Variants in ZNF445 observed in about 807,000 individuals in gnomAD.
The protein encoded by ZNF445 is zinc finger protein 445, also known as zinc finger protein 168.
A neutral mutation model predicts 93.9 loss-of-function variants in ZNF445; 19 were observed. The ratio of observed to expected loss-of-function variants is 0.20; its 90% CI spans 0.14 to 0.30. ZNF445 has a LOEUF of 0.30. Among genes scored for constraint, ZNF445 ranks in the 10% least tolerant of loss-of-function variants. The pLI is 1.00. For synonymous variants in ZNF445, 449 were observed against 446.3 expected (o/e 1.01, Z -0.08); for missense variants, 1,058 against 1,259.4 (o/e 0.84, Z 2.42).
Position 44,434,886 on chromosome 3 carries a change from T to C in ZNF445, c.*11689A>G, listed in dbSNP as rs187805261. On this transcript the variant is annotated 3_prime_UTR_variant, in exon 8 of 8. Transcript: ENST00000396077. ...GCCACGATAGCTGAAGGCTATGCTA[T>C]TGAACACTGTAACTCAACTTTTACG... 6.6e-5 allele frequency: 10 copies of C among 152,320 alleles called. No homozygotes were observed. Among genetic ancestry groups the C allele is most frequent in the East Asian group, 3.9e-4 (2 of 5,176 alleles). 9.4% of individuals were successfully genotyped at this position (152,320 alleles called of 1,614,324 possible). A position where few individuals can be genotyped will look rare whatever the true frequency, so the allele number is the denominator to read the frequency against.
Position 44,455,367 on chromosome 3 carries a change from A to T in ZNF445, c.183T>A (p.Leu61=). The T allele has an allele frequency of 1.2e-6, 2 of 1,614,078 alleles. No homozygotes were observed. The highest frequency in any genetic ancestry group is 1.7e-6 in the Non-Finnish European group (2 of 1,179,986). ...QELFRQLFRQ[L]RYHESSGPLE... Reference sequence around the variant, plus strand: ...GGGGCCCTGAAGACTCATGGTAGCGAAGCTGTCTGAAGAGCTGGCGGAACA... The same window carrying T: ...GGGGCCCTGAAGACTCATGGTAGCGTAGCTGTCTGAAGAGCTGGCGGAACA... Residue 61 remains leucine (L), a synonymous_variant, in exon 3 of 8, where the codon CTT becomes CTA. Transcript: ENST00000396077.
In ZNF445 at chr3:44,437,939, C is replaced by G. The variant is rs1253085745; in HGVS notation, c.*8636G>C. On this transcript the variant is annotated 3_prime_UTR_variant, in exon 8 of 8. Coordinates refer to ENST00000396077, the MANE Select transcript of ZNF445 (RefSeq NM_181489.6). ...ATGCCTAACTTTCTGAGAATGCAGG[C>G]CAGTAAGTCTCAGCCTCATTTTCCC... The G allele has an allele frequency of 6.5e-6, 1 of 152,766 alleles. No individual in the cohort carries two copies. The allele number at this position is 152,766 out of a possible 1,614,324, so 9.5% of individuals were successfully genotyped here.
At chr3:44,462,260 ATTTC>A (rs1390599435) in intron 1 of ZNF445, among the ~76,000 whole-genome samples, 2 of 152,118 alleles carry the variant, frequency 1.3e-5, no homozygotes, top group Admixed American at 6.5e-5. Context: ...ATTGTATGAA[ATTTC>A]TTTGTCTTGT....
rs1050467182 is a variant in ZNF445 at position 44,438,257 on chromosome 3, T to C, written c.*8318A>G. The C allele has an allele frequency of 1.3e-5, 2 of 152,056 alleles. No homozygotes were observed. The highest frequency in any genetic ancestry group is 2.9e-5 in the Non-Finnish European group (2 of 68,034). The allele number at this position is 152,056 out of a possible 1,614,324, so 9.4% of individuals were successfully genotyped here. A position where few individuals can be genotyped will look rare whatever the true frequency, so the allele number is the denominator to read the frequency against. ...TCACTGCAACTTCCACCTCCTGGGT[T>C]CAAGTGATTCTCCTGCCTCAGCCTC... On this transcript the variant is annotated 3_prime_UTR_variant, in exon 8 of 8. Coordinates refer to ENST00000396077, the MANE Select transcript of ZNF445 (RefSeq NM_181489.6).
Position 44,446,329 on chromosome 3 carries a change from G to C in ZNF445, c.*246C>G. The stretch of plus-strand genomic sequence containing the variant: ...GGGGAGCCGCAGGCTATGGTGCAGA[G>C]GCCACTCCTAGGGGCCGGAGTCTCC... On this transcript the variant is annotated 3_prime_UTR_variant, in exon 8 of 8. Transcript: ENST00000396077. The surrounding 1 kb of genome is among the most constrained non-coding windows in gnomAD (Gnocchi z 4.2). 1 of 530,770 alleles carries C rather than the reference G, an allele frequency of 1.9e-6. No individual in the cohort carries two copies. Among genetic ancestry groups the C allele is most frequent in the East Asian group, 3.5e-5 (1 of 28,972 alleles). The allele number at this position is 530,770 out of a possible 1,614,324, so 32.9% of individuals were successfully genotyped here.
At chr3:44,459,904 A>G (rs895550572) in intron 1 of ZNF445, among the ~76,000 whole-genome samples, 1 of 152,194 alleles carries the variant, frequency 6.6e-6, no homozygotes, top group Non-Finnish European at 1.5e-5. Context: ...CTTTCCTTCT[A>G]AGAATCTACT....
chr3:44,468,476 G>C (rs1376622677), intron 1 of ZNF445, among the ~76,000 whole-genome samples: 2 of 152,142 alleles, frequency 1.3e-5, no homozygotes, highest in Non-Finnish European at 2.9e-5. Flanking sequence ...TGCCTTTGCG[G>C]GACTAACATT....
Position 44,447,533 on chromosome 3 carries a change from T to C in ZNF445, c.2138A>G (p.Asp713Gly), listed in dbSNP as rs1427093977. The change falls in exon 8 of 8, where the codon GAT (aspartate) becomes GGT (glycine). Residue 713 changes from aspartate to glycine, a missense_variant. Coordinates refer to ENST00000396077, the MANE Select transcript of ZNF445 (RefSeq NM_181489.6). This position sits in a 1 kb window ranked among gnomAD's most constrained non-coding sequence, Gnocchi z 4.7. The part of the protein sequence containing the change: ...HTGEKPYQCS[D>G]CGKDFAYRSA... ...CCTATAGGCAAAGTCCTTCCCACAA[T>C]CGCTACACTGGTAAGGTTTCTCACC... 3.7e-6 allele frequency: 6 copies of C among 1,614,170 alleles called. No individual in the cohort carries two copies. Among genetic ancestry groups the C allele is most frequent in the Non-Finnish European group, 5.1e-6 (6 of 1,180,026 alleles).
intron 1 of ZNF445, among the ~76,000 whole-genome samples, chr3:44,466,222 T>C (rs1559399011): frequency 1.3e-5 from 2 of 152,204 alleles, no homozygotes; most frequent in Non-Finnish European, 2.9e-5. Flanking sequence ...GGCCAAAGAA[T>C]GATTTATGGT....
intron 7 of ZNF445, 118 bp from the exon 8 acceptor site, chr3:44,448,857 T>C: frequency 8.1e-7 from 1 of 1,238,984 alleles, no homozygotes; most frequent in Non-Finnish European, 1.1e-6. Context: ...GCCAATACCT[T>C]TATAAAATAG....
chr3:44,474,591 C>T (rs1698316529), intron 1 of ZNF445, among the ~76,000 whole-genome samples: 1 of 152,134 alleles, frequency 6.6e-6, no homozygotes, highest in African/African-American at 2.4e-5. Flanking sequence ...GACTAAGTAA[C>T]TGTCACAGAT....
At chr3:44,461,675 A>G (rs767515350) in intron 1 of ZNF445, among the ~76,000 whole-genome samples, 3 of 152,234 alleles carry the variant, frequency 2.0e-5, no homozygotes, top group Non-Finnish European at 4.4e-5. Context: ...GACCAATGGG[A>G]AAAAGTTTGA....
In ZNF445 at chr3:44,438,458, G is replaced by C. The variant is rs575018910; in HGVS notation, c.*8117C>G. On this transcript the variant is annotated 3_prime_UTR_variant, in exon 8 of 8. Transcript: ENST00000396077. Reference sequence around the variant, plus strand: ...ACTACAGGCGCCCGCTGCCACGCCCGGTTAATTTTTTGTATTTTTACTAGA... The same window carrying C: ...ACTACAGGCGCCCGCTGCCACGCCCCGTTAATTTTTTGTATTTTTACTAGA... 2.0e-5 allele frequency: 3 copies of C among 151,382 alleles called. No homozygotes were observed. The highest frequency in any genetic ancestry group is 1.3e-4 in the Admixed American group (2 of 15,178). 9.4% of individuals were successfully genotyped at this position (151,382 alleles called of 1,614,324 possible). A position where few individuals can be genotyped will look rare whatever the true frequency, so the allele number is the denominator to read the frequency against.
intron 1 of ZNF445, among the ~76,000 whole-genome samples, chr3:44,477,106 T>C (rs1429952344): frequency 6.6e-6 from 1 of 152,230 alleles, no homozygotes. Flanking sequence ...TTATGTGTTA[T>C]TTTGGCACAA....
chr3:44,451,894 T>C (rs1015727971), intron 3 of ZNF445, among the ~76,000 whole-genome samples: 1 of 152,224 alleles, frequency 6.6e-6, no homozygotes, highest in Admixed American at 6.5e-5. Flanking sequence ...ACAGTGGAGA[T>C]ACAGTCAAGT....
chr3:44,455,342 G>C lies in ZNF445; in HGVS notation c.208C>G (p.Leu70Val), dbSNP rs749610764. The change falls in exon 3 of 8, where the codon CTA becomes GTA. Residue 70 changes from leucine to valine, a missense_variant. Coordinates refer to ENST00000396077, the MANE Select transcript of ZNF445 (RefSeq NM_181489.6). ...QLRYHESSGP[L>V]ETLSRLRELC... Reference sequence around the variant, plus strand: ...TCCCGGAGCCGGCTCAGAGTTTCTAGGGGCCCTGAAGACTCATGGTAGCGA... The same window carrying C: ...TCCCGGAGCCGGCTCAGAGTTTCTACGGGCCCTGAAGACTCATGGTAGCGA... 6.2e-7 allele frequency: 1 copy of C among 1,613,826 alleles called. No individual in the cohort carries two copies. The highest frequency in any genetic ancestry group is 8.5e-7 in the Non-Finnish European group (1 of 1,179,878).
At chr3:44,474,295 A>G (rs1214293645) in intron 1 of ZNF445, among the ~76,000 whole-genome samples, 1 of 152,182 alleles carries the variant, frequency 6.6e-6, no homozygotes, top group African/African-American at 2.4e-5. Flanking sequence ...TGGGCAGATC[A>G]CCTGAGGTCG....
rs1417621800 is a variant in ZNF445, at chr3:44,476,601, C to CT, written c.-269+989dup. ...CTAATACTGAGTTTTTAGTTTTGCA[C>CT]TACAAGCCGTTTGAAACAGAATAAC... On this transcript the variant is annotated intron_variant, in intron 1 of 7. Transcript: ENST00000396077. Among the ~76,000 whole-genome samples the CT allele has an allele frequency of 2.0e-5, 3 of 152,184 alleles. No homozygotes were observed. The South Asian group carries it at 6.2e-4, about 31-fold the overall frequency.
rs1697832230 is a variant in ZNF445, at chr3:44,443,131, G to A, written c.*3444C>T. On this transcript the variant is annotated 3_prime_UTR_variant, in exon 8 of 8. Coordinates refer to ENST00000396077, the MANE Select transcript of ZNF445 (RefSeq NM_181489.6). ...TGAAGAATGAAGAGCTGAACTGGCA[G>A]AGAGAGGGGTGTGGCACTCCAGGTG... 6.6e-6 allele frequency: 1 copy of A among 152,262 alleles called. No individual in the cohort carries two copies. The highest frequency in any genetic ancestry group is 2.1e-4 in the South Asian group (1 of 4,828). 9.4% of individuals were successfully genotyped at this position (152,262 alleles called of 1,614,324 possible). A position where few individuals can be genotyped will look rare whatever the true frequency, so the allele number is the denominator to read the frequency against.
Sources: allele counts gnomAD v4.1 joint callset (sites outside exome capture counted in the v4.1 genomes callset), GRCh38; gene constraint gnomAD v4.1.1; non-coding constraint Gnocchi (gnomAD v3.1); transcripts MANE v1.5; gene names NCBI Gene and HGNC (gene_info 2026-07-23, HGNC 2026-07-21).